MCF2L2: variants seen among roughly 807,000 people sequenced by gnomAD.
MCF2L2 encodes the protein MCF.2 cell line derived transforming sequence-like 2, also known as probable guanine nucleotide exchange factor MCF2L2.
In MCF2L2, 102 loss-of-function variants were observed where a neutral mutation model predicts 150.2. That is an observed-to-expected ratio of 0.68 (90% CI 0.58 to 0.80). The LOEUF (loss-of-function observed/expected upper bound fraction) is 0.80. MCF2L2 is among the 30% of genes least tolerant of loss of function. MCF2L2 has a pLI of 0.00. For synonymous variants in MCF2L2, 465 were observed against 491.3 expected (o/e 0.95, Z 0.71); for missense variants, 1,256 against 1,372.8 (o/e 0.91, Z 1.34).
At chr3:183,257,664 G>T (rs1289816067) in intron 15 of MCF2L2, among the ~76,000 whole-genome samples, 1 of 152,120 alleles carries the variant, frequency 6.6e-6, no homozygotes, top group Admixed American at 6.5e-5. Context: ...ATCAAGTGTT[G>T]CTTCTAAAGA....
chr3:183,307,214 G>A (rs1729140913), intron 10 of MCF2L2, among the ~76,000 whole-genome samples: 1 of 152,186 alleles, frequency 6.6e-6, no homozygotes, highest in Admixed American at 6.5e-5. Context: ...TTAGTGCCGA[G>A]TAAAGGACAA....
chr3:183,282,417 G>C (rs1183041789), intron 14 of MCF2L2, among the ~76,000 whole-genome samples: 1 of 151,968 alleles, frequency 6.6e-6, no homozygotes, highest in Non-Finnish European at 1.5e-5. Context: ...TGACCTCATC[G>C]TCTGGACTAA....
intron 15 of MCF2L2, among the ~76,000 whole-genome samples, chr3:183,268,637 C>T (rs1726393476): frequency 6.6e-6 from 1 of 152,026 alleles, no homozygotes; most frequent in Non-Finnish European, 1.5e-5. Flanking sequence ...ACTTGAGTAC[C>T]CTAGTGTGCT....
intron 27 of MCF2L2, among the ~76,000 whole-genome samples, chr3:183,190,358 C>T (rs147850905): frequency 6.6e-6 from 1 of 152,348 alleles, no homozygotes; most frequent in East Asian, 1.9e-4. Context: ...AGTGAGCCAA[C>T]ACCAGAATCC....
At chr3:183,400,477 T>C (rs1171754791) in intron 1 of MCF2L2, 1 of 456,650 alleles carries the variant, frequency 2.2e-6, no homozygotes, top group South Asian at 1.5e-5. Flanking sequence ...TCACACTTCA[T>C]GCACCAGACC....
intron 10 of MCF2L2, among the ~76,000 whole-genome samples, chr3:183,308,001 C>T (rs1560013231): frequency 6.6e-6 from 1 of 152,232 alleles, no homozygotes; most frequent in South Asian, 2.1e-4. Flanking sequence ...GACCAAAGGT[C>T]GTCTTCTCAG....
chr3:183,252,102 G>A (rs1254661291), intron 15 of MCF2L2, among the ~76,000 whole-genome samples: 1 of 150,932 alleles, frequency 6.6e-6, no homozygotes, highest in African/African-American at 2.4e-5. Flanking sequence ...CATGTATGTG[G>A]AACATATGTA....
Position 183,297,025 on chromosome 3 carries a change from G to A in MCF2L2, c.1448C>T (p.Pro483Leu), listed in dbSNP as rs994786366. 1 of 1,614,006 alleles carries A rather than the reference G, an allele frequency of 6.2e-7. No individual in the cohort carries two copies. ...GTVKEYPLLSPKEFYNEFELL... is the reference protein window; with the variant it reads ...GTVKEYPLLSLKEFYNEFELL... ...CTCAAACTCGTTGTAAAACTCCTTG[G>A]GGCTGAGCAACGGGTACTCCTTGAC... Residue 483 changes from proline to leucine, a missense_variant, in exon 12 of 30, where the codon CCC becomes CTC. Pro to Leu is a moderately conservative substitution (Grantham distance 98, BLOSUM62 -3). Coordinates refer to ENST00000328913, the MANE Select transcript of MCF2L2 (RefSeq NM_015078.4).
intron 25 of MCF2L2, among the ~76,000 whole-genome samples, chr3:183,203,576 T>C (rs1722371846): frequency 6.6e-6 from 1 of 151,986 alleles, no homozygotes; most frequent in African/African-American, 2.4e-5. Flanking sequence ...GAAAAATGAA[T>C]AGAGCCTCAG....
At chr3:183,407,054 G>T (rs1282893978) in intron 1 of MCF2L2, among the ~76,000 whole-genome samples, 1 of 152,142 alleles carries the variant, frequency 6.6e-6, no homozygotes. Flanking sequence ...TATACATAAG[G>T]ATTCAATTGT....
intron 15 of MCF2L2, chr3:183,254,491 C>G (rs560011604): frequency 6.6e-6 from 1 of 152,248 alleles, no homozygotes; most frequent in South Asian, 2.1e-4. Flanking sequence ...CGGGCCGCCG[C>G]CCAGGTGCGG....
chr3:183,390,686 C>T (rs1460592926), intron 1 of MCF2L2, among the ~76,000 whole-genome samples: 1 of 152,150 alleles, frequency 6.6e-6, no homozygotes, highest in Non-Finnish European at 1.5e-5. Flanking sequence ...TATTTGAGGC[C>T]AGAAGTTTGA....
Position 183,309,610 on chromosome 3 carries a change from G to A in MCF2L2, c.1113+106C>T, listed in dbSNP as rs113164457. 31 of 1,422,054 alleles carry A rather than the reference G, an allele frequency of 2.2e-5. No individual in the cohort carries two copies. The African/African-American group carries it at 2.2e-4, about 10-fold the overall frequency. The allele number at this position is 1,422,054 out of a possible 1,614,324, so 88.1% of individuals were successfully genotyped here. On this transcript the variant is annotated intron_variant, in intron 10 of 29. Coordinates refer to ENST00000328913, the MANE Select transcript of MCF2L2 (RefSeq NM_015078.4). ...TGGGGTGACTGAAGGGCAGGACTGG[G>A]CATTCCTGTGTCCTTTAGCAACCTT...
At chr3:183,272,551 G>C in intron 15 of MCF2L2, 1 of 991,974 alleles carries the variant, frequency 1.0e-6, no homozygotes, top group Non-Finnish European at 1.2e-6. Context: ...TTTGAGGCTT[G>C]TTTACATTGC....
intron 15 of MCF2L2, among the ~76,000 whole-genome samples, chr3:183,260,304 A>G (rs968490097): frequency 3.3e-5 from 5 of 152,168 alleles, no homozygotes; most frequent in Admixed American, 1.3e-4. Flanking sequence ...AGACATACCC[A>G]TGGTAGTAAC....
At chr3:183,416,106 T>A (rs1166180399) in intron 1 of MCF2L2, among the ~76,000 whole-genome samples, 1 of 152,126 alleles carries the variant, frequency 6.6e-6, no homozygotes, top group African/African-American at 2.4e-5. Context: ...ACTAACTTAA[T>A]TAAACTTGAG....
intron 3 of MCF2L2, among the ~76,000 whole-genome samples, chr3:183,371,020 G>A (rs1276389698): frequency 6.6e-6 from 1 of 152,182 alleles, no homozygotes; most frequent in East Asian, 1.9e-4. Context: ...TGATGAGTCA[G>A]ATGAATGAAT....
chr3:183,428,062 G>T lies in MCF2L2; in HGVS notation c.-85C>A. ...TGGATGATTTTTTAAAGGCATCTCC[G>T]CCCAAGGATGCTCTGCCCTCGCCCT... is the stretch of plus-strand genomic sequence containing the variant. On this transcript the variant is annotated 5_prime_UTR_variant, in exon 1 of 30. Coordinates refer to ENST00000328913, the MANE Select transcript of MCF2L2 (RefSeq NM_015078.4). The surrounding 1 kb of genome is among the most constrained non-coding windows in gnomAD (Gnocchi z 5.1). 3 of 997,582 alleles carry T rather than the reference G, an allele frequency of 3.0e-6. No homozygotes were observed. The highest frequency in any genetic ancestry group is 4.8e-6 in the Non-Finnish European group (3 of 623,658). The allele number at this position is 997,582 out of a possible 1,614,324, so 61.8% of individuals were successfully genotyped here. A position where few individuals can be genotyped will look rare whatever the true frequency, so the allele number is the denominator to read the frequency against.
chr3:183,262,216 C>G (rs1725670846), intron 15 of MCF2L2, among the ~76,000 whole-genome samples: 1 of 149,794 alleles, frequency 6.7e-6, no homozygotes, highest in South Asian at 2.1e-4. Context: ...TTTTATGATA[C>G]TTTATTATAT....
Sources: gnomAD v4.1 joint callset for allele counts (sites outside exome capture counted in the v4.1 genomes callset) on GRCh38, gnomAD v4.1.1 for gene constraint, Gnocchi (gnomAD v3.1) non-coding constraint, MANE v1.5 for transcripts, NCBI Gene and HGNC (gene_info 2026-07-23, HGNC 2026-07-21) for gene names.